The following FLNA variants were observed in gnomAD, a reference collection of about 807,000 sequenced individuals.
The protein encoded by FLNA is filamin A.
A neutral mutation model predicts 157.6 loss-of-function variants in FLNA; 7 were observed. The ratio of observed to expected loss-of-function variants is 0.04; its 90% CI spans 0.03 to 0.08. FLNA has a LOEUF of 0.08. FLNA is among the 10% of genes least tolerant of loss of function. FLNA has a pLI of 1.00. For missense variants in FLNA, 1,750 were observed against 2,398.4 expected, an observed-to-expected ratio of 0.73 and a Z score of 5.65; for synonymous variants, 1,103 against 1,060.8, an observed-to-expected ratio of 1.04 and a Z score of -0.77.
At chrX:154,358,157 G>A (rs1483852915) in intron 28 of FLNA, 42 bp downstream of exon 28, 48 of 1,197,248 alleles carry the variant, frequency 4.0e-5, no homozygotes, top group Middle Eastern at 2.8e-4. Flanking sequence ...CACTCCAGCC[G>A]CCCAGGCCCC....
chrX:154,355,526 T>C (rs2070828), intron 30 of FLNA, among the ~76,000 whole-genome samples: 34,240 of 112,692 alleles, frequency 0.3, 7,240 homozygotes, highest in African/African-American at 0.77. Context: ...CGTGGGGGGA[T>C]GTGACACTTG....
chrX:154,351,620 C>A lies in FLNA; in HGVS notation c.6984G>T (p.Pro2328=). The change falls in exon 43 of 48, where the codon CCG becomes CCT. Residue 2328 remains proline, a synonymous_variant. Coordinates refer to ENST00000369850, the MANE Select transcript of FLNA (RefSeq NM_001110556.2). ...DSPFVVPVAS[P]SGDARRLTVS... ...CAGTGAGGCGGCGGGCGTCGCCAGA[C>A]GGAGAAGCCACAGGCACCACGAAGG... 1 of 1,209,082 alleles carries A rather than the reference C, an allele frequency of 8.3e-7. No individual in the cohort carries two copies. Among genetic ancestry groups the A allele is most frequent in the Non-Finnish European group, 1.1e-6 (1 of 893,445 alleles).
intron 5 of FLNA, 71 bp downstream of exon 5, chrX:154,367,326 C>A: frequency 8.8e-7 from 1 of 1,137,951 alleles, no homozygotes; most frequent in South Asian, 1.8e-5. Flanking sequence ...GGGACCGCCA[C>A]GTTTAGATGG....
chrX:154,368,056 C>G lies in FLNA; in HGVS notation c.408G>C (p.Leu136=). The change falls in exon 3 of 48, where the codon CTG becomes CTC. Residue 136 remains leucine, a synonymous_variant. Transcript: ENST00000369850. The part of the protein sequence containing the change: ...SKAIVDGNLK[L]ILGLIWTLIL... ...TCAGGGTCCAGATGAGGCCCAGGATCAGCTTCAGGTTCCCGTCCACGATGG... is the reference window on the plus strand; with the variant it reads ...TCAGGGTCCAGATGAGGCCCAGGATGAGCTTCAGGTTCCCGTCCACGATGG... The G allele has an allele frequency of 8.3e-7, 1 of 1,209,066 alleles. No homozygotes were observed. Among genetic ancestry groups the G allele is most frequent in the Non-Finnish European group, 1.1e-6 (1 of 893,398 alleles).
At position 154,354,992 on chromosome X, in the gene FLNA, C is replaced by G; in HGVS notation, c.5050G>C (p.Val1684Leu). The change falls in exon 31 of 48, where the codon GTG becomes CTG. Residue 1684 changes from valine to leucine, a missense_variant. Around this residue, in one of 5 missense-constraint regions of FLNA, gnomAD observed 970 missense variants for 1,302.6 expected, o/e 0.74. Transcript: ENST00000369850. The stretch of plus-strand genomic sequence containing the variant: ...TCAGGCGTGCACACGGTGCACGTCA[C>G]TTTGCCTTTGCCTGCCGCCTTAGTG... ...VDTKAAGKGK[V>L]TCTVCTPDGS... The G allele has an allele frequency of 8.3e-7, 1 of 1,212,005 alleles. No homozygotes were observed. The highest frequency in any genetic ancestry group is 1.1e-6 in the Non-Finnish European group (1 of 895,448).
rs782091553 is a variant in FLNA, at chrX:154,349,828, C to A, written c.7373G>T (p.Gly2458Val). The A allele has an allele frequency of 2.5e-6, 3 of 1,211,439 alleles. No homozygotes were observed. The highest frequency in any genetic ancestry group is 3.5e-5 in the South Asian group (2 of 57,007). The change falls in exon 46 of 48, where the codon GGA (glycine) becomes GTA (valine). Residue 2458 changes from glycine (G) to valine (V), a missense_variant. Coordinates refer to ENST00000369850, the MANE Select transcript of FLNA (RefSeq NM_001110556.2). ...AATGGTCACCGACAGGGCACCAGCTCCCGCATTGCTCGTGTTCACGACGAA... is the reference window on the plus strand; with the variant it reads ...AATGGTCACCGACAGGGCACCAGCTACCGCATTGCTCGTGTTCACGACGAA... ...AEFVVNTSNA[G>V]AGALSVTIDG...
chrX:154,364,551 G>A lies in FLNA; in HGVS notation c.1997C>T (p.Ala666Val), dbSNP rs374295965. Reference sequence around the variant, plus strand: ...CCTGTCTGGGTGGAAGTCCTGGGGCGCGTCACGGATGTCAGCCATGAAGGG... The same window carrying A: ...CCTGTCTGGGTGGAAGTCCTGGGGCACGTCACGGATGTCAGCCATGAAGGG... ...LSPFMADIRD[A>V]PQDFHPDRVK... Residue 666 changes from alanine to valine, a missense_variant, in exon 13 of 48, where the codon GCG becomes GTG. Physicochemically the swap from Ala to Val is moderately conservative, Grantham distance 64. Around this residue, in one of 5 missense-constraint regions of FLNA, gnomAD observed 648 missense variants for 805.8 expected, o/e 0.80. Coordinates refer to ENST00000369850, the MANE Select transcript of FLNA (RefSeq NM_001110556.2). The A allele has an allele frequency of 8.6e-5, 104 of 1,208,037 alleles. No homozygotes were observed. The highest frequency in any genetic ancestry group is 5.3e-4 in the Admixed American group (24 of 45,697).
intron 47 of FLNA, 73 bp from the exon 48 acceptor site, chrX:154,349,109 G>T: frequency 9.6e-7 from 1 of 1,044,146 alleles, no homozygotes. Context: ...CTCCTCTCCT[G>T]TCCCTAAGCC....
Position 154,370,664 on chromosome X carries a change from G to T in FLNA, c.373+209C>A, listed in dbSNP as rs1170747719. On this transcript the variant is annotated intron_variant, in intron 2 of 47. Transcript: ENST00000369850. ...CCGGCCAGCCGGGGCGCAGCGGGCG[G>T]GGGCGCGTAGCGGTTCGCACGCCCG... 2.1e-4 allele frequency among the ~76,000 whole-genome samples: 24 copies of T among 112,974 alleles called. 1 individual carries two copies. In the Admixed American group the frequency reaches 2.2e-3, roughly 10 times the overall value.
At chrX:154,359,684 C>T in intron 23 of FLNA, 38 bp from the exon 24 acceptor site, 2 of 1,210,280 alleles carry the variant, frequency 1.7e-6, no homozygotes. Context: ...GAGCCCGGGC[C>T]ACCCCACCCA....
chrX:154,357,361 G>T (rs2067670605), intron 29 of FLNA, 73 bp downstream of exon 29: 1 of 1,192,087 alleles, frequency 8.4e-7, no homozygotes, highest in Non-Finnish European at 1.1e-6. Flanking sequence ...GCCCCAAGCA[G>T]CGAGCCCTTG....
intron 21 of FLNA, among the ~76,000 whole-genome samples, chrX:154,361,076 A>AAAAAAAGAAAAAAAAAAAAAAG (rs1569551711): frequency 1.1e-5 from 1 of 89,030 alleles, no homozygotes; most frequent in Non-Finnish European, 2.2e-5. Context: ...AAAAAAAAAA[A>AAAAAAAGAAAAAAAAAAAAAAG]AAAGAAAGAA....
rs782161469 is a variant in FLNA at position 154,352,774 on chromosome X, G to A, written c.6377C>T (p.Pro2126Leu). 1 of 1,212,049 alleles carries A rather than the reference G, an allele frequency of 8.3e-7. No homozygotes were observed. The highest frequency in any genetic ancestry group is 1.1e-6 in the Non-Finnish European group (1 of 895,578). Residue 2126 changes from proline to leucine, a missense_variant and splice_region_variant, in exon 39 of 48, where the codon CCT becomes CTT. Around this residue, in one of 5 missense-constraint regions of FLNA, gnomAD observed 970 missense variants for 1,302.6 expected, o/e 0.74. Coordinates refer to ENST00000369850, the MANE Select transcript of FLNA (RefSeq NM_001110556.2). The stretch of plus-strand genomic sequence containing the variant: ...TGCCGAGGCACTGCTGCACTCACCA[G>A]GCACGTGCTGGTCGGCAAACTTGAT... ...INIKFADQHVPGSPFSVKVTG... is the reference protein window; with the variant it reads ...INIKFADQHVLGSPFSVKVTG...
At chrX:154,373,656 C>T (rs2067823698) in intron 1 of FLNA, among the ~76,000 whole-genome samples, 1 of 112,883 alleles carries the variant, frequency 8.9e-6, no homozygotes, top group Non-Finnish European at 1.9e-5. Flanking sequence ...AGCTGTTCAG[C>T]TGGGATCCCT....
At position 154,349,748 on chromosome X, in the gene FLNA, C is replaced by T. The variant is rs782190081; in HGVS notation, c.7453G>A (p.Val2485Ile). 2.5e-6 allele frequency: 3 copies of T among 1,211,468 alleles called. No homozygotes were observed. The highest frequency in any genetic ancestry group is 2.2e-5 in the Admixed American group (1 of 46,115). ...DCQECPEGYR[V>I]TYTPMAPGSY... ...CCAGGTGCCATGGGGGTATAGGTGACGCGGTAGCCCTCAGGGCACTCCTGG... is the reference window on the plus strand; with the variant it reads ...CCAGGTGCCATGGGGGTATAGGTGATGCGGTAGCCCTCAGGGCACTCCTGG... Residue 2485 changes from valine to isoleucine, a missense_variant, in exon 46 of 48, where the codon GTC becomes ATC. Physicochemically the swap from Val to Ile is conservative, Grantham distance 29 (BLOSUM62 3). Transcript: ENST00000369850.
At chrX:154,362,816 G>A in intron 15 of FLNA, 32 bp from the exon 16 acceptor site, 1 of 1,176,467 alleles carries the variant, frequency 8.5e-7, no homozygotes, top group African/African-American at 1.8e-5. Context: ...GCAAGGGCAT[G>A]AGCAGCCTGG....
At position 154,349,874 on chromosome X, in the gene FLNA, G is replaced by A; in HGVS notation, c.7334-7C>T. On this transcript the variant is annotated splice_region_variant and splice_polypyrimidine_tract_variant and intron_variant, in intron 45 of 47. Coordinates refer to ENST00000369850, the MANE Select transcript of FLNA (RefSeq NM_001110556.2). ...ACGAACTCAGCTGGGTTCCCTGGGAGCACAGGAGGTCAGGCAGAGCCAGAC... is the reference window on the plus strand; with the variant it reads ...ACGAACTCAGCTGGGTTCCCTGGGAACACAGGAGGTCAGGCAGAGCCAGAC... 1.7e-6 allele frequency: 2 copies of A among 1,207,968 alleles called. No homozygotes were observed. The highest frequency in any genetic ancestry group is 2.2e-6 in the Non-Finnish European group (2 of 892,486).
Position 154,352,888 on chromosome X carries a change from C to T in FLNA, c.6263G>A (p.Ser2088Asn), listed in dbSNP as rs797045580. 1 of 1,211,926 alleles carries T rather than the reference C, an allele frequency of 8.3e-7. No homozygotes were observed. Among genetic ancestry groups the T allele is most frequent in the Non-Finnish European group, 1.1e-6 (1 of 895,427 alleles). The change falls in exon 39 of 48, where the codon AGC becomes AAC. Residue 2088 changes from serine (S) to asparagine (N), a missense_variant. Around this residue, in one of 5 missense-constraint regions of FLNA, gnomAD observed 970 missense variants for 1,302.6 expected, o/e 0.74. Coordinates refer to ENST00000369850, the MANE Select transcript of FLNA (RefSeq NM_001110556.2). ...GTCCTCTGTGTTGATGTCCACCTTGCTGGGGCCCTCAATGGACAGGCTGAG... is the reference window on the plus strand; with the variant it reads ...GTCCTCTGTGTTGATGTCCACCTTGTTGGGGCCCTCAATGGACAGGCTGAG... Reference protein sequence around the residue: ...GGLSLSIEGPSKVDINTEDLE... With the variant: ...GGLSLSIEGPNKVDINTEDLE...
rs1557178810 is a variant in FLNA at position 154,364,846 on chromosome X, A to C, written c.1803T>G (p.Ala601=). 8.3e-7 allele frequency: 1 copy of C among 1,209,799 alleles called. No homozygotes were observed. Among genetic ancestry groups the C allele is most frequent in the African/African-American group, 1.7e-5 (1 of 57,207 alleles). ...VGKSADFVVE[A]IGDDVGTLGF... The stretch of plus-strand genomic sequence containing the variant: ...CCAGCGTGCCCACGTCGTCCCCGAT[A>C]GCCTCCACCACAAAGTCTGCTGACT... The change falls in exon 12 of 48, where the codon GCT becomes GCG. Residue 601 remains alanine, a synonymous_variant. Transcript: ENST00000369850.
Sources: allele counts gnomAD v4.1 joint callset (sites outside exome capture counted in the v4.1 genomes callset), GRCh38; gene constraint gnomAD v4.1.1; regional missense constraint gnomAD v4.1.1; transcripts MANE v1.5; gene names NCBI Gene and HGNC (gene_info 2026-07-23, HGNC 2026-07-21).